The following JAZF1 variants were observed in gnomAD, a reference collection of about 807,000 sequenced individuals.
The protein encoded by JAZF1 is JAZF zinc finger 1.
JAZF1 carries 8 observed loss-of-function variants against 26.4 expected under a neutral mutation model. The observed-to-expected ratio is 0.30, with a 90% CI of 0.18 to 0.55. JAZF1 has a LOEUF of 0.55. Ranked by LOEUF, JAZF1 falls within the 20% of genes least tolerant of loss-of-function variation. JAZF1 has a pLI of 0.94. For synonymous variants in JAZF1, 126 were observed against 122.3 expected (o/e 1.03, Z -0.20); for missense variants, 199 against 322.0 (o/e 0.62, Z 2.92).
At chr7:28,092,304 A>C (rs1340373460) in intron 1 of JAZF1, among the ~76,000 whole-genome samples, 6 of 137,380 alleles carry the variant, frequency 4.4e-5, no homozygotes, top group African/African-American at 8.0e-5. Flanking sequence ...AAAAAAAAAA[A>C]AAAAAAAAAA....
At chr7:28,174,895 C>T (rs1783527195) in intron 1 of JAZF1, among the ~76,000 whole-genome samples, 1 of 120,532 alleles carries the variant, frequency 8.3e-6, no homozygotes, top group African/African-American at 2.6e-5. Context: ...GGGGGCTTCT[C>T]GGGAACCCTG....
intron 1 of JAZF1, among the ~76,000 whole-genome samples, chr7:28,086,595 C>T (rs1305699501): frequency 6.6e-6 from 1 of 152,190 alleles, no homozygotes; most frequent in Non-Finnish European, 1.5e-5. Context: ...TCATTTAAGA[C>T]TTTCTGGGGC....
intron 1 of JAZF1, among the ~76,000 whole-genome samples, chr7:28,034,321 T>C (rs1011726946): frequency 6.6e-6 from 1 of 152,012 alleles, no homozygotes; most frequent in Non-Finnish European, 1.5e-5. Context: ...CCTAGAAGGC[T>C]TTGCCTACTG....
chr7:28,125,023 G>A (rs1472618565), intron 1 of JAZF1, among the ~76,000 whole-genome samples: 1 of 152,140 alleles, frequency 6.6e-6, no homozygotes, highest in East Asian at 1.9e-4. Flanking sequence ...ACCATGGAAA[G>A]CAGAGAAAAA....
chr7:27,968,774 T>C (rs182653750), intron 2 of JAZF1, among the ~76,000 whole-genome samples: 2 of 152,306 alleles, frequency 1.3e-5, no homozygotes, highest in Admixed American at 6.5e-5. Flanking sequence ...CCAGGAGAAC[T>C]GTACATCACT....
intron 1 of JAZF1, among the ~76,000 whole-genome samples, chr7:28,104,736 C>A (rs1165658003): frequency 6.6e-6 from 1 of 152,078 alleles, no homozygotes; most frequent in African/African-American, 2.4e-5. Flanking sequence ...GTTCGCAGAC[C>A]CACTCAATGT....
At chr7:28,034,836 C>T (rs900100168) in intron 1 of JAZF1, among the ~76,000 whole-genome samples, 2 of 152,170 alleles carry the variant, frequency 1.3e-5, no homozygotes, top group Admixed American at 6.5e-5. Flanking sequence ...TCCCTGTTCA[C>T]TCAGAAAGGA....
chr7:28,028,242 C>T (rs1783125878), intron 1 of JAZF1, among the ~76,000 whole-genome samples: 1 of 152,122 alleles, frequency 6.6e-6, no homozygotes, highest in Non-Finnish European at 1.5e-5. Flanking sequence ...TTGCTTGTTG[C>T]CATTTCCAAG....
At chr7:28,026,491 T>TC (rs1319345882) in intron 1 of JAZF1, among the ~76,000 whole-genome samples, 2 of 152,110 alleles carry the variant, frequency 1.3e-5, no homozygotes, top group African/African-American at 4.8e-5. Flanking sequence ...CCAGCTGCTT[T>TC]CCCCCTCAAG....
At chr7:27,928,164 T>G (rs1784629178) in intron 2 of JAZF1, among the ~76,000 whole-genome samples, 1 of 152,216 alleles carries the variant, frequency 6.6e-6, no homozygotes, top group African/African-American at 2.4e-5. Flanking sequence ...TCTCATAGCT[T>G]TTGGAAGTCT....
intron 1 of JAZF1, among the ~76,000 whole-genome samples, chr7:28,008,630 A>C (rs1274572297): frequency 6.6e-6 from 1 of 152,216 alleles, no homozygotes; most frequent in Admixed American, 6.5e-5. Context: ...ACTATACACT[A>C]AAACAGAAAC....
intron 3 of JAZF1, chr7:27,841,191 C>G (rs1174855316): frequency 7.8e-6 from 2 of 256,036 alleles, no homozygotes; most frequent in East Asian, 1.7e-4. Context: ...GCTCTGGGGC[C>G]AAAACCAAAA....
chr7:28,127,166 T>A lies in JAZF1; in HGVS notation c.115+53297A>T, dbSNP rs79235828. 5.7e-3 allele frequency among the ~76,000 whole-genome samples: 871 copies of A among 152,278 alleles called. 6 individuals are homozygous for A. Among genetic ancestry groups the A allele is most frequent in the South Asian group, 0.023 (113 of 4,820 alleles). ...AGGCGAAGGATCCTAAGGCTAACCTTAAGAGTACTGGGGCAAGGGAAAATG... is the reference window on the plus strand; with the variant it reads ...AGGCGAAGGATCCTAAGGCTAACCTAAAGAGTACTGGGGCAAGGGAAAATG... On this transcript the variant is annotated intron_variant, in intron 1 of 4. Coordinates refer to ENST00000283928, the MANE Select transcript of JAZF1 (RefSeq NM_175061.4).
At chr7:27,981,019 C>T (rs38506) in intron 2 of JAZF1, among the ~76,000 whole-genome samples, 8,653 of 152,188 alleles carry the variant, frequency 0.057, 358 homozygotes, top group Non-Finnish European at 0.087. Flanking sequence ...TAACTTTATC[C>T]TCTGAAAGTG....
At chr7:27,895,876 T>G (rs1247958262) in intron 2 of JAZF1, among the ~76,000 whole-genome samples, 1 of 152,134 alleles carries the variant, frequency 6.6e-6, no homozygotes, top group Non-Finnish European at 1.5e-5. Flanking sequence ...AATGGCCTCA[T>G]GAAAACTTTT....
chr7:27,938,820 T>C (rs1784799605), intron 2 of JAZF1, among the ~76,000 whole-genome samples: 1 of 151,704 alleles, frequency 6.6e-6, no homozygotes. Context: ...TTTTTTTTTT[T>C]TGTAGAAATG....
chr7:28,023,327 T>C (rs1182828803), intron 1 of JAZF1, among the ~76,000 whole-genome samples: 2 of 152,238 alleles, frequency 1.3e-5, no homozygotes, highest in Non-Finnish European at 2.9e-5. Context: ...TTTGCTCTTA[T>C]GGACAAAGCT....
At chr7:27,852,496 A>C (rs1490539716) in intron 3 of JAZF1, among the ~76,000 whole-genome samples, 1 of 152,058 alleles carries the variant, frequency 6.6e-6, no homozygotes, top group East Asian at 1.9e-4. Flanking sequence ...CAACTCCCTC[A>C]GTGTGGCCAG....
intron 1 of JAZF1, among the ~76,000 whole-genome samples, chr7:28,167,531 C>G (rs1209011454): frequency 6.6e-6 from 1 of 152,230 alleles, no homozygotes; most frequent in Non-Finnish European, 1.5e-5. Context: ...GTCCAAGCAC[C>G]TGCACTCACT....
Sources: gnomAD v4.1 joint callset for allele counts (sites outside exome capture counted in the v4.1 genomes callset) on GRCh38, gnomAD v4.1.1 for gene constraint, MANE v1.5 for transcripts, NCBI Gene and HGNC (gene_info 2026-07-23, HGNC 2026-07-21) for gene names.